GREB1L: variants seen among roughly 807,000 people sequenced by gnomAD.
The protein encoded by GREB1L is GREB1 like retinoic acid receptor coactivator, also known as GREB1-like protein.
Under a neutral mutation model 200.8 loss-of-function variants are expected in GREB1L, and 17 were observed. That is an observed-to-expected ratio of 0.08 (90% confidence interval 0.06 to 0.13). GREB1L has a LOEUF of 0.13. Among genes scored for constraint, GREB1L ranks in the 10% least tolerant of loss-of-function variants. The pLI, the probability that GREB1L is intolerant of heterozygous loss-of-function variation, is 1.00. For synonymous variants in GREB1L, 789 were observed against 893.0 expected (o/e 0.88, Z 2.08); for missense variants, 1,657 against 2,367.7 (o/e 0.70, Z 6.23).
In GREB1L at chr18:21,440,251, T is replaced by A; in HGVS notation, c.950-18T>A. 1 of 1,551,446 alleles carries A rather than the reference T, an allele frequency of 6.4e-7. No homozygotes were observed. Among genetic ancestry groups the A allele is most frequent in the Non-Finnish European group, 8.7e-7 (1 of 1,146,894 alleles). The stretch of plus-strand genomic sequence containing the variant: ...GAACAAGACTATCTCTTTTTTTTGT[T>A]TTTTTGTTTGTCTTCAGCTACCATG... On this transcript the variant is annotated intron_variant, in intron 8 of 32. Transcript: ENST00000424526.
At chr18:21,325,804 A>G (rs1209880847) in intron 1 of GREB1L, among the ~76,000 whole-genome samples, 3 of 125,522 alleles carry the variant, frequency 2.4e-5, no homozygotes, top group African/African-American at 6.2e-5. Context: ...ACAGAGCAAG[A>G]CCTTGTCTCA....
intron 1 of GREB1L, among the ~76,000 whole-genome samples, chr18:21,357,335 A>T (rs1598690579): frequency 6.6e-6 from 1 of 152,356 alleles, no homozygotes; most frequent in East Asian, 1.9e-4. Context: ...TACAGGCGTG[A>T]GCCTCTGCGC....
chr18:21,500,147 A>ACTC lies in GREB1L; in HGVS notation c.3813_3815dup (p.Leu1272dup), dbSNP rs1419645597. 1 of 1,551,346 alleles carries ACTC rather than the reference A, an allele frequency of 6.4e-7. No homozygotes were observed. Among genetic ancestry groups the ACTC allele is most frequent in the South Asian group, 1.2e-5 (1 of 84,054 alleles). ...TGGCCTGGGTGAGCTCCCTGCGGCC[A>ACTC]CTCCTGAACAAGGACATGAGCAGTG... On this transcript the variant is annotated inframe_insertion, in exon 22 of 33. Transcript: ENST00000424526.
chr18:21,490,072 G>C lies in GREB1L; in HGVS notation c.2751G>C (p.Glu917Asp). The C allele has an allele frequency of 6.4e-7, 1 of 1,551,878 alleles. No homozygotes were observed. Among genetic ancestry groups the C allele is most frequent in the East Asian group, 2.4e-5 (1 of 40,910 alleles). Residue 917 changes from glutamate to aspartate, a missense_variant, in exon 19 of 33, where the codon GAG becomes GAC. Transcript: ENST00000424526. ...ATCTTCTCATCCAGCAGTACTCTGA[G>C]GCCCTGATGGCTCTCACCACCATGG... ...RCYLLIQQYSEALMALTTMAS... is the reference protein window; with the variant it reads ...RCYLLIQQYSDALMALTTMAS...
intron 19 of GREB1L, among the ~76,000 whole-genome samples, chr18:21,492,385 C>T (rs2036378177): frequency 6.6e-6 from 1 of 151,906 alleles, no homozygotes; most frequent in Admixed American, 6.6e-5. Context: ...TTTGGAAAGG[C>T]GGACAATCAG....
At chr18:21,255,080 A>G (rs2037780571) in intron 1 of GREB1L, among the ~76,000 whole-genome samples, 1 of 152,162 alleles carries the variant, frequency 6.6e-6, no homozygotes, top group South Asian at 2.1e-4. Context: ...AAATGGCTTG[A>G]TTAGGCAACC....
chr18:21,444,170 G>C, intron 10 of GREB1L, 54 bp from the exon 11 acceptor site: 1 of 1,322,136 alleles, frequency 7.6e-7, no homozygotes, highest in Non-Finnish European at 1.0e-6. Context: ...AGTGTACCTG[G>C]TTGGACCATA....
chr18:21,373,952 C>A (rs923324584), intron 2 of GREB1L, among the ~76,000 whole-genome samples: 3 of 151,792 alleles, frequency 2.0e-5, no homozygotes, highest in African/African-American at 7.2e-5. Flanking sequence ...TAATCTTTAG[C>A]CTATGGGAGC....
At chr18:21,247,390 C>T (rs893075952) in intron 1 of GREB1L, among the ~76,000 whole-genome samples, 5 of 152,162 alleles carry the variant, frequency 3.3e-5, no homozygotes, top group African/African-American at 1.2e-4. Flanking sequence ...CATAGATTAA[C>T]ACATAATCAC....
intron 1 of GREB1L, among the ~76,000 whole-genome samples, chr18:21,298,549 A>G (rs548065233): frequency 1.3e-4 from 20 of 152,342 alleles, no homozygotes; most frequent in Non-Finnish European, 2.6e-4. Context: ...ATGATTTTCT[A>G]AGATGAGTCA....
intron 6 of GREB1L, among the ~76,000 whole-genome samples, chr18:21,403,350 G>A (rs1409974692): frequency 2.0e-5 from 3 of 152,110 alleles, no homozygotes; most frequent in Non-Finnish European, 2.9e-5. Flanking sequence ...TAAGAACTGA[G>A]AATAATATTA....
intron 1 of GREB1L, among the ~76,000 whole-genome samples, chr18:21,258,495 G>A (rs527935783): frequency 6.6e-6 from 1 of 152,064 alleles, no homozygotes; most frequent in Non-Finnish European, 1.5e-5. Flanking sequence ...CCTTAACCTA[G>A]GCCAAACTTC....
chr18:21,411,602 A>G (rs1176928066), intron 7 of GREB1L, among the ~76,000 whole-genome samples: 2 of 152,196 alleles, frequency 1.3e-5, no homozygotes, highest in African/African-American at 2.4e-5. Flanking sequence ...TGCAATACAT[A>G]GTAAAGTAGA....
chr18:21,337,738 G>A (rs1378457124), intron 1 of GREB1L, among the ~76,000 whole-genome samples: 1 of 152,128 alleles, frequency 6.6e-6, no homozygotes. Context: ...TGTAATCCCA[G>A]CACTTTGGGA....
chr18:21,510,762 T>A (rs1026542059), intron 27 of GREB1L, among the ~76,000 whole-genome samples: 1 of 152,190 alleles, frequency 6.6e-6, no homozygotes, highest in Non-Finnish European at 1.5e-5. Context: ...AGAATCACCA[T>A]ACTGTTTTCC....
At chr18:21,439,006 G>A (rs1336746603) in intron 7 of GREB1L, among the ~76,000 whole-genome samples, 6 of 148,328 alleles carry the variant, frequency 4.0e-5, no homozygotes, top group African/African-American at 1.5e-4. Flanking sequence ...AAAGAAAGAA[G>A]CACATAGAAG....
intron 1 of GREB1L, among the ~76,000 whole-genome samples, chr18:21,350,803 T>C (rs1265779173): frequency 1.3e-5 from 2 of 152,104 alleles, no homozygotes; most frequent in East Asian, 3.9e-4. Context: ...GGGGAAAAGA[T>C]TGTAGTGGGA....
chr18:21,370,177 G>C (rs1399826920), intron 2 of GREB1L, among the ~76,000 whole-genome samples: 1 of 152,066 alleles, frequency 6.6e-6, no homozygotes, highest in Non-Finnish European at 1.5e-5. Flanking sequence ...TATCTCTTCA[G>C]ACCTGTTTAA....
chr18:21,389,024 C>T (rs1270160180), intron 4 of GREB1L, among the ~76,000 whole-genome samples: 5 of 152,056 alleles, frequency 3.3e-5, no homozygotes, highest in African/African-American at 1.2e-4. Context: ...TCCCCACTCT[C>T]CTTCCACTAC....
Sources: gnomAD v4.1 joint callset for allele counts (sites outside exome capture counted in the v4.1 genomes callset) on GRCh38, gnomAD v4.1.1 for gene constraint, MANE v1.5 for transcripts, NCBI Gene and HGNC (gene_info 2026-07-23, HGNC 2026-07-21) for gene names.